The following WWOX variants were observed in gnomAD, a reference collection of about 807,000 sequenced individuals.
WWOX encodes the protein WW domain containing oxidoreductase.
Under a neutral mutation model 46.2 loss-of-function variants are expected in WWOX, and 69 were observed. The ratio of observed to expected loss-of-function variants is 1.49; its 90% confidence interval spans 1.23 to 1.82. The LOEUF (loss-of-function observed/expected upper bound fraction) is 1.82. WWOX is among the 40% of genes most tolerant of loss of function. WWOX has a pLI of 0.00. For missense variants in WWOX, 919 were observed against 542.6 expected (o/e 1.69, Z -6.89); for synonymous variants, 359 against 202.6 (o/e 1.77, Z -6.56).
intron 8 of WWOX, chr16:78,550,816 A>T (rs1036551959): frequency 2.0e-5 from 3 of 152,180 alleles, no homozygotes; most frequent in Non-Finnish European, 4.4e-5. Context: ...GGAATGAAGA[A>T]TTGGAATATA....
chr16:78,211,462 T>C (rs1312511927), intron 5 of WWOX, among the ~76,000 whole-genome samples: 3 of 152,068 alleles, frequency 2.0e-5, no homozygotes, highest in Non-Finnish European at 4.4e-5. Context: ...GCTGAGTGTA[T>C]GAGTGCAAGA....
chr16:79,161,952 A>G (rs2150751283), intron 8 of WWOX, among the ~76,000 whole-genome samples: 1 of 152,374 alleles, frequency 6.6e-6, no homozygotes, highest in African/African-American at 2.4e-5. Flanking sequence ...GCCTGGAGAT[A>G]GGAATCCACC....
At chr16:78,827,289 C>G (rs1174897247) in intron 8 of WWOX, among the ~76,000 whole-genome samples, 1 of 152,120 alleles carries the variant, frequency 6.6e-6, no homozygotes, top group Non-Finnish European at 1.5e-5. Context: ...ATAAGAGCTT[C>G]ACGCAGATGA....
chr16:78,792,040 C>T (rs150137973), intron 8 of WWOX, among the ~76,000 whole-genome samples: 65 of 152,282 alleles, frequency 4.3e-4, no homozygotes, highest in African/African-American at 1.5e-3. Flanking sequence ...TTGAGCTACA[C>T]ATCCCATAGT....
intron 5 of WWOX, among the ~76,000 whole-genome samples, chr16:78,354,591 A>G (rs2081247435): frequency 6.6e-6 from 1 of 152,126 alleles, no homozygotes; most frequent in African/African-American, 2.4e-5. Context: ...CCACTTTTAA[A>G]GGCTTTTTAT....
Position 78,511,973 on chromosome 16 carries a change from G to C in WWOX, c.1056+79221G>C, listed in dbSNP as rs1425692842. 3.3e-5 allele frequency among the ~76,000 whole-genome samples: 5 copies of C among 152,320 alleles called. No homozygotes were observed. The East Asian group carries it at 7.7e-4, about 23-fold the overall frequency. Reference sequence around the variant, plus strand: ...TGAATGGGTAAGATAGCATCTCATAGATCCACTTTACATATGAAAAGAAGT... The same window carrying C: ...TGAATGGGTAAGATAGCATCTCATACATCCACTTTACATATGAAAAGAAGT... On this transcript the variant is annotated intron_variant, in intron 8 of 8. Coordinates refer to ENST00000566780, the MANE Select transcript of WWOX (RefSeq NM_016373.4).
intron 8 of WWOX, among the ~76,000 whole-genome samples, chr16:78,863,130 G>C (rs1335296705): frequency 6.6e-6 from 1 of 151,872 alleles, no homozygotes; most frequent in Non-Finnish European, 1.5e-5. Context: ...GCTAATTTTT[G>C]TATTTTTAAT....
At chr16:78,337,263 G>A (rs1021620546) in intron 5 of WWOX, among the ~76,000 whole-genome samples, 22 of 152,112 alleles carry the variant, frequency 1.4e-4, no homozygotes, top group African/African-American at 5.3e-4. Flanking sequence ...TCTTTTGAAG[G>A]TGGTTTGTTT....
At chr16:78,914,510 G>C (rs2045195616) in intron 8 of WWOX, among the ~76,000 whole-genome samples, 1 of 151,980 alleles carries the variant, frequency 6.6e-6, no homozygotes, top group Non-Finnish European at 1.5e-5. Context: ...TAACTGAATG[G>C]GAATTGATGC....
chr16:78,342,131 A>G (rs35330244), intron 5 of WWOX, among the ~76,000 whole-genome samples: 27,083 of 120,062 alleles, frequency 0.23, 8,670 homozygotes, highest in African/African-American at 0.38. Context: ...AATGTTCAAG[A>G]AGAAATACAA....
intron 5 of WWOX, among the ~76,000 whole-genome samples, chr16:78,206,750 C>G (rs1364589166): frequency 7.0e-6 from 1 of 142,734 alleles, no homozygotes; most frequent in Admixed American, 6.9e-5. Context: ...TACCTTTTGA[C>G]TAGAGTGTTA....
intron 8 of WWOX, chr16:78,896,042 G>C (rs1234193522): frequency 6.6e-6 from 1 of 152,054 alleles, no homozygotes; most frequent in African/African-American, 2.4e-5. Flanking sequence ...CCTTTTCACA[G>C]ATGAGTAATA....
At chr16:78,578,183 C>A (rs1293227137) in intron 8 of WWOX, among the ~76,000 whole-genome samples, 1 of 141,598 alleles carries the variant, frequency 7.1e-6, no homozygotes, top group Non-Finnish European at 1.5e-5. Context: ...TAAAAATAAT[C>A]TCATACCACT....
At chr16:79,011,807 A>T (rs1244914797) in intron 8 of WWOX, among the ~76,000 whole-genome samples, 1 of 151,902 alleles carries the variant, frequency 6.6e-6, no homozygotes, top group Admixed American at 6.6e-5. Flanking sequence ...TTTTTAAAAA[A>T]CAAAAAAACA....
At chr16:78,585,879 C>G (rs2045190415) in intron 8 of WWOX, among the ~76,000 whole-genome samples, 1 of 151,898 alleles carries the variant, frequency 6.6e-6, no homozygotes, top group South Asian at 2.1e-4. Context: ...GTTCTCTCTT[C>G]CAAGCTGCGC....
chr16:78,392,973 C>G (rs778973805), intron 6 of WWOX, among the ~76,000 whole-genome samples: 2 of 152,100 alleles, frequency 1.3e-5, no homozygotes, highest in Non-Finnish European at 2.9e-5. Flanking sequence ...GCGGTAGCAG[C>G]GGTCGTCGGC....
intron 8 of WWOX, among the ~76,000 whole-genome samples, chr16:79,065,686 C>A (rs2048428567): frequency 6.6e-6 from 1 of 152,164 alleles, no homozygotes; most frequent in Non-Finnish European, 1.5e-5. Context: ...ACCTTGTGGC[C>A]TTTTAGGAGC....
At chr16:78,994,969 C>CTTCTTT (rs1382826788) in intron 8 of WWOX, among the ~76,000 whole-genome samples, 4 of 114,644 alleles carry the variant, frequency 3.5e-5, no homozygotes, top group Non-Finnish European at 3.4e-5. Flanking sequence ...TCTTCTTCTT[C>CTTCTTT]TTTTTTTTTT....
chr16:78,111,395 A>G (rs2032481335), intron 3 of WWOX, among the ~76,000 whole-genome samples: 1 of 152,226 alleles, frequency 6.6e-6, no homozygotes, highest in East Asian at 1.9e-4. Flanking sequence ...AACATAACCT[A>G]GGAATAACTG....
Sources: allele counts gnomAD v4.1 joint callset (sites outside exome capture counted in the v4.1 genomes callset), GRCh38; gene constraint gnomAD v4.1.1; transcripts MANE v1.5; gene names NCBI Gene and HGNC (gene_info 2026-07-23, HGNC 2026-07-21).